The following USP33 variants were observed in gnomAD, a reference collection of about 807,000 sequenced individuals.
USP33 encodes ubiquitin specific peptidase 33.
Under a neutral mutation model 124.2 loss-of-function variants are expected in USP33, and 46 were observed. The observed-to-expected ratio is 0.37, with a 90% CI of 0.29 to 0.47. USP33 has a LOEUF of 0.47. Among genes scored for constraint, USP33 ranks in the 20% least tolerant of loss-of-function variants. USP33 has a pLI of 0.99. For missense variants in USP33, 851 were observed against 1,070.6 expected (o/e 0.79, Z 2.86); for synonymous variants, 350 against 352.3 (o/e 0.99, Z 0.07).
rs1287399543 is a variant in USP33 at position 77,721,764 on chromosome 1, T to A, written c.1657+67A>T. On this transcript the variant is annotated intron_variant, in intron 14 of 23. Transcript: ENST00000370794. Reference sequence around the variant, plus strand: ...ACTGAGCTTTTATGAATACACTTTATTATTTAGTCCCACTAGTATTTTAGA... The same window carrying A: ...ACTGAGCTTTTATGAATACACTTTAATATTTAGTCCCACTAGTATTTTAGA... 17 of 1,401,594 alleles carry A rather than the reference T, an allele frequency of 1.2e-5. No individual in the cohort carries two copies. The East Asian group carries it at 4.2e-4, about 35-fold the overall frequency. The allele number at this position is 1,401,594 out of a possible 1,614,324, so 86.8% of individuals were successfully genotyped here.
intron 18 of USP33, among the ~76,000 whole-genome samples, chr1:77,715,249 G>A (rs900540736): frequency 8.0e-5 from 12 of 150,882 alleles, no homozygotes; most frequent in Admixed American, 4.6e-4. Context: ...CTCTGTTGCC[G>A]AGGCTGGAGT....
At chr1:77,700,009 AG>A (rs1167299017) in intron 22 of USP33, among the ~76,000 whole-genome samples, 1 of 151,540 alleles carries the variant, frequency 6.6e-6, no homozygotes, top group Non-Finnish European at 1.5e-5. Flanking sequence ...ACAAGGACAC[AG>A]GGAGGAGAAC....
intron 2 of USP33, 61 bp from the exon 3 acceptor site, chr1:77,741,490 T>C: frequency 1.9e-6 from 3 of 1,548,576 alleles, no homozygotes; most frequent in Admixed American, 2.0e-5. Context: ...TACAATTCAC[T>C]AATGCACTAA....
chr1:77,748,779 T>TTCCCCCC (rs1428350967), intron 1 of USP33, among the ~76,000 whole-genome samples: 2 of 47,632 alleles, frequency 4.2e-5, no homozygotes, highest in Non-Finnish European at 8.0e-5. Flanking sequence ...ATTCCTTCCC[T>TTCCCCCC]CCCCCCCCCC....
intron 22 of USP33, among the ~76,000 whole-genome samples, chr1:77,699,425 C>G (rs1244902593): frequency 6.6e-6 from 1 of 152,124 alleles, no homozygotes; most frequent in African/African-American, 2.4e-5. Context: ...GACGCTGAGG[C>G]AGGACAATCG....
chr1:77,706,578 C>T (rs558560842), intron 21 of USP33, among the ~76,000 whole-genome samples: 1 of 152,310 alleles, frequency 6.6e-6, no homozygotes, highest in East Asian at 1.9e-4. Context: ...CCTACATTGG[C>T]TCTGACCATG....
chr1:77,747,508 T>C (rs1421347121), intron 1 of USP33, among the ~76,000 whole-genome samples: 2 of 152,076 alleles, frequency 1.3e-5, no homozygotes, highest in East Asian at 1.9e-4. Context: ...CCTCCTAACC[T>C]TGGACTCCCA....
chr1:77,709,987 C>A (rs556262291), intron 21 of USP33, among the ~76,000 whole-genome samples: 53 of 152,122 alleles, frequency 3.5e-4, no homozygotes, highest in African/African-American at 1.3e-3. Context: ...ACACAAGGTA[C>A]AGTTTAGTTT....
Position 77,696,329 on chromosome 1 carries a change from A to G in USP33, c.*988T>C, listed in dbSNP as rs1375017410. 1.3e-5 allele frequency: 2 copies of G among 152,692 alleles called. No individual in the cohort carries two copies. The highest frequency in any genetic ancestry group is 2.9e-5 in the Non-Finnish European group (2 of 68,048). 9.5% of individuals were successfully genotyped at this position (152,692 alleles called of 1,614,324 possible). A position where few individuals can be genotyped will look rare whatever the true frequency, so the allele number is the denominator to read the frequency against. On this transcript the variant is annotated 3_prime_UTR_variant, in exon 24 of 24. Transcript: ENST00000370794. ...CTAACTCTAAGTTTTTTAGTCACTG[A>G]CATTAATACTAACCAGGTTACAGGA...
At chr1:77,754,928 T>G (rs1390331903) in intron 1 of USP33, among the ~76,000 whole-genome samples, 1 of 152,234 alleles carries the variant, frequency 6.6e-6, no homozygotes, top group Non-Finnish European at 1.5e-5. Flanking sequence ...TAATTAGCAT[T>G]TCCTATAAAG....
chr1:77,725,991 C>T (rs1677116072), intron 10 of USP33, among the ~76,000 whole-genome samples: 1 of 152,146 alleles, frequency 6.6e-6, no homozygotes, highest in African/African-American at 2.4e-5. Context: ...CCTCTGTCCC[C>T]CAGGCTGCAG....
At chr1:77,742,964 CAG>C (rs1179183480) in intron 1 of USP33, among the ~76,000 whole-genome samples, 3 of 148,692 alleles carry the variant, frequency 2.0e-5, no homozygotes, top group Non-Finnish European at 3.0e-5. Flanking sequence ...ATTTTTGAGA[CAG>C]AGTTTCACTC....
intron 7 of USP33, among the ~76,000 whole-genome samples, chr1:77,731,472 A>G (rs1260700091): frequency 1.3e-5 from 2 of 152,210 alleles, no homozygotes; most frequent in Non-Finnish European, 2.9e-5. Flanking sequence ...ATCCTGACCT[A>G]CATAAACCAA....
intron 21 of USP33, chr1:77,701,800 G>C (rs1457501137): frequency 5.4e-6 from 1 of 184,686 alleles, no homozygotes; most frequent in Non-Finnish European, 1.1e-5. Context: ...CTCCCGGGTA[G>C]CTAGGATTAC....
intron 10 of USP33, among the ~76,000 whole-genome samples, chr1:77,726,454 C>T (rs546240317): frequency 1.3e-4 from 19 of 151,498 alleles, no homozygotes; most frequent in Admixed American, 7.9e-4. Context: ...AGACCAACTG[C>T]GCAACATCAT....
chr1:77,712,601 C>T (rs1330628669), intron 20 of USP33, among the ~76,000 whole-genome samples: 1 of 152,134 alleles, frequency 6.6e-6, no homozygotes, highest in Non-Finnish European at 1.5e-5. Context: ...CTTTGGGAGG[C>T]CAAAGCAGCC....
chr1:77,748,281 G>T (rs180822343), intron 1 of USP33, among the ~76,000 whole-genome samples: 1 of 152,202 alleles, frequency 6.6e-6, no homozygotes, highest in Admixed American at 6.5e-5. Flanking sequence ...GTGATCATGG[G>T]CATCCCCAAG....
At chr1:77,722,873 T>C (rs1349627522) in intron 12 of USP33, among the ~76,000 whole-genome samples, 1 of 152,248 alleles carries the variant, frequency 6.6e-6, no homozygotes, top group Non-Finnish European at 1.5e-5. Context: ...TGTTATTGTC[T>C]ATGAATTTGA....
At chr1:77,710,493 T>A (rs1675126387) in intron 21 of USP33, among the ~76,000 whole-genome samples, 1 of 152,210 alleles carries the variant, frequency 6.6e-6, no homozygotes, top group Non-Finnish European at 1.5e-5. Context: ...AAACTATTTT[T>A]AATATTCAAC....
Sources: allele counts gnomAD v4.1 joint callset (sites outside exome capture counted in the v4.1 genomes callset), GRCh38; gene constraint gnomAD v4.1.1; transcripts MANE v1.5; gene names NCBI Gene and HGNC (gene_info 2026-07-23, HGNC 2026-07-21).